NAV1: variants seen among roughly 807,000 people sequenced by gnomAD.
NAV1 encodes the protein pore membrane and/or filament interacting like protein 3.
NAV1 carries 18 observed loss-of-function variants against 175.2 expected under a neutral mutation model. The ratio of observed to expected loss-of-function variants is 0.10; its 90% CI spans 0.07 to 0.15. The LOEUF (loss-of-function observed/expected upper bound fraction) is 0.15, where lower values mean the gene tolerates loss of function less well. Ranked by LOEUF, NAV1 falls within the 10% of genes least tolerant of loss-of-function variation. The probability of loss-of-function intolerance (pLI) is 1.00; values close to 1 mark genes in which losing one functional copy is unlikely to be tolerated. For synonymous variants in NAV1, 897 were observed against 978.7 expected (o/e 0.92, Z 1.56); for missense variants, 1,731 against 2,436.6 (o/e 0.71, Z 6.10).
chr1:201,684,728 G>A (rs1670610284), intron 1 of NAV1, among the ~76,000 whole-genome samples: 1 of 151,954 alleles, frequency 6.6e-6, no homozygotes, highest in African/African-American at 2.4e-5. Flanking sequence ...ACTCGCCTCA[G>A]CCTCCCAAAG....
intron 1 of NAV1, chr1:201,673,945 C>T (rs896562637): frequency 3.3e-5 from 5 of 152,234 alleles, no homozygotes; most frequent in African/African-American, 1.2e-4. Flanking sequence ...AAGGTAGGGC[C>T]CAGTCAGTGC....
At chr1:201,819,017 GA>G (rs1679232528) in intron 29 of NAV1, among the ~76,000 whole-genome samples, 1 of 152,104 alleles carries the variant, frequency 6.6e-6, no homozygotes, top group South Asian at 2.1e-4. Context: ...CGTGTCCAGA[GA>G]AAAAAGTAAG....
Position 201,784,900 on chromosome 1 carries a change from TG to T in NAV1, c.2805-406del, listed in dbSNP as rs377105862. 6.5e-3 allele frequency among the ~76,000 whole-genome samples: 989 copies of T among 152,114 alleles called. 11 individuals are homozygous for T. Among genetic ancestry groups the T allele is most frequent in the African/African-American group, 0.018 (749 of 41,496 alleles). ...CTCCTGCCTCAGCCTCCCGAGTAGCTGGGGACTACAGGCGCCCACCACTGCG... is the reference window on the plus strand; with the variant it reads ...CTCCTGCCTCAGCCTCCCGAGTAGCTGGGACTACAGGCGCCCACCACTGCG... On this transcript the variant is annotated intron_variant, in intron 7 of 29. Coordinates refer to ENST00000367296, the Ensembl canonical transcript of NAV1.
chr1:201,651,992 TGGGGGAGGGGTAGA>T (rs1329780050), intron 1 of NAV1, among the ~76,000 whole-genome samples: 1 of 151,660 alleles, frequency 6.6e-6, no homozygotes, highest in Non-Finnish European at 1.5e-5. Flanking sequence ...GTAGACTGCC[TGGGGGAGGGGTAGA>T]GGGAGAGGAA....
At chr1:201,642,373 C>T (rs923684153) in intron 2 of NAV1, among the ~76,000 whole-genome samples, 26 of 151,602 alleles carry the variant, frequency 1.7e-4, no homozygotes, top group African/African-American at 5.8e-4. Flanking sequence ...CCACCACACC[C>T]AGCTAATTTT....
chr1:201,615,243 ATTTCTTTCTTTCTTTC>A (rs754631805), intron 2 of NAV1, among the ~76,000 whole-genome samples: 1 of 148,366 alleles, frequency 6.7e-6, no homozygotes, highest in Non-Finnish European at 1.5e-5. Flanking sequence ...AATTTCTGCC[ATTTCTTTCTTTCTTTC>A]TTTCTTTCTT....
intron 1 of NAV1, among the ~76,000 whole-genome samples, chr1:201,676,326 C>T (rs10920230): frequency 0.41 from 62,015 of 152,100 alleles, 13,378 homozygotes; most frequent in South Asian, 0.61. Context: ...TTATTTCAGC[C>T]AGGCTGGGCT....
intron 3 of NAV1, among the ~76,000 whole-genome samples, chr1:201,773,952 T>C (rs938035297): frequency 6.6e-6 from 1 of 152,230 alleles, no homozygotes; most frequent in African/African-American, 2.4e-5. Flanking sequence ...CAAAGTGCCA[T>C]TGTTCTTATA....
intron 3 of NAV1, among the ~76,000 whole-genome samples, chr1:201,778,677 C>A (rs1438557184): frequency 6.6e-6 from 1 of 152,194 alleles, no homozygotes; most frequent in Non-Finnish European, 1.5e-5. Flanking sequence ...CCCATGCTTT[C>A]TTTGCTCTTT....
In NAV1 at chr1:201,666,352, CA is replaced by C. The variant is rs59540541; in HGVS notation, c.757+16938del. ...CAACCTTGTCTTGCCTCCCTCCTTACAAAAAAAAAAATAAATCATATATTAT... is the reference window on the plus strand; with the variant it reads ...CAACCTTGTCTTGCCTCCCTCCTTACAAAAAAAAAATAAATCATATATTAT... On this transcript the variant is annotated intron_variant, in intron 1 of 29. Coordinates refer to ENST00000367296, the Ensembl canonical transcript of NAV1. Among the ~76,000 whole-genome samples, 49 of 144,520 alleles carry C rather than the reference CA, an allele frequency of 3.4e-4. 1 individual carries two copies. Among genetic ancestry groups the C allele is most frequent in the Admixed American group, 5.6e-4 (8 of 14,390 alleles). 94.8% of individuals were successfully genotyped at this position (144,520 alleles called of 152,430 possible).
intron 2 of NAV1, among the ~76,000 whole-genome samples, chr1:201,641,013 G>A (rs1421996937): frequency 1.3e-5 from 2 of 152,190 alleles, no homozygotes; most frequent in Non-Finnish European, 2.9e-5. Context: ...CGTGGGGAGA[G>A]TCAGGGAAGG....
At chr1:201,574,165 A>C (rs1666627314) in intron 1 of NAV1, among the ~76,000 whole-genome samples, 1 of 152,178 alleles carries the variant, frequency 6.6e-6, no homozygotes, top group Non-Finnish European at 1.5e-5. Context: ...CAAGGGAGAA[A>C]ACAAGAAGTG....
intron 3 of NAV1, among the ~76,000 whole-genome samples, chr1:201,752,302 A>G (rs2102600144): frequency 6.6e-6 from 1 of 152,356 alleles, no homozygotes; most frequent in East Asian, 1.9e-4. Context: ...CGAATTAAAG[A>G]GACAAGTGCA....
At chr1:201,654,860 G>A (rs1225054700) in intron 1 of NAV1, among the ~76,000 whole-genome samples, 1 of 152,064 alleles carries the variant, frequency 6.6e-6, no homozygotes, top group Non-Finnish European at 1.5e-5. Flanking sequence ...TATTTTCCAG[G>A]AAAGCACTCA....
chr1:201,558,705 C>T (rs1418234560), intron 1 of NAV1, among the ~76,000 whole-genome samples: 2 of 152,180 alleles, frequency 1.3e-5, no homozygotes, highest in Non-Finnish European at 2.9e-5. Flanking sequence ...CCGCCTCGGC[C>T]TCCCAAAGTG....
rs536350190 is a variant in NAV1 at position 201,815,840 on chromosome 1, G to A, written c.5341-1248G>A. ...TGCAACCTCCACCTCTCAGGTTCAAGCGATTCTCCTGCCTCAGCCTCCCAA... is the reference window on the plus strand; with the variant it reads ...TGCAACCTCCACCTCTCAGGTTCAAACGATTCTCCTGCCTCAGCCTCCCAA... On this transcript the variant is annotated intron_variant, in intron 28 of 29. Transcript: ENST00000367296. Among the ~76,000 whole-genome samples, 12 of 152,206 alleles carry A rather than the reference G, an allele frequency of 7.9e-5. No homozygotes were observed. The East Asian group carries it at 1.7e-3, about 22-fold the overall frequency.
At chr1:201,820,706 A>G (rs1462674657) in exon 30 of NAV1, 3 of 151,916 alleles carry the variant, frequency 2.0e-5, no homozygotes, top group African/African-American at 4.8e-5. Flanking sequence ...CTGTCTTTCT[A>G]CCCTCTAATT....
intron 22 of NAV1, 133 bp from the exon 27 acceptor site, chr1:201,809,813 A>G: frequency 2.1e-6 from 2 of 935,882 alleles, no homozygotes; most frequent in Non-Finnish European, 3.1e-6. Context: ...TTATGGAGAA[A>G]TGCTACCTAG....
In NAV1 at chr1:201,782,852, G is replaced by C; in HGVS notation, c.2340G>C (p.Leu780=). The C allele has an allele frequency of 6.3e-7, 1 of 1,585,850 alleles. No homozygotes were observed. ...CCACAGCCACCAAGCTGGCAGAGCTGCCACCAACCCCTCTCAGGTACCCAA... is the reference window on the plus strand; with the variant it reads ...CCACAGCCACCAAGCTGGCAGAGCTCCCACCAACCCCTCTCAGGTACCCAA... Residue 780 remains leucine (L), a synonymous_variant, in exon 6 of 30, where the codon CTG becomes CTC. Coordinates refer to ENST00000367296, the Ensembl canonical transcript of NAV1. This position sits in a 1 kb window ranked among gnomAD's most constrained non-coding sequence, Gnocchi z 5.4.
Sources: allele counts gnomAD v4.1 joint callset (sites outside exome capture counted in the v4.1 genomes callset), GRCh38; gene constraint gnomAD v4.1.1; non-coding constraint Gnocchi (gnomAD v3.1); transcripts MANE v1.5; gene names NCBI Gene and HGNC (gene_info 2026-07-23, HGNC 2026-07-21).